Variants in HENMT1 observed in about 807,000 individuals in gnomAD.
HENMT1 encodes the protein HEN methyltransferase 1.
In HENMT1, 27 loss-of-function variants were observed where a neutral mutation model predicts 31.1. The observed-to-expected ratio is 0.87, with a 90% CI of 0.64 to 1.20. The LOEUF (loss-of-function observed/expected upper bound fraction) is 1.20. HENMT1 is among the 50% of genes most tolerant of loss of function. The probability of loss-of-function intolerance (pLI) is 0.00; values close to 1 mark genes in which losing one functional copy is unlikely to be tolerated. For missense variants in HENMT1, 438 were observed against 469.6 expected (o/e 0.93, Z 0.62); for synonymous variants, 167 against 172.2 (o/e 0.97, Z 0.24).
chr1:108,657,542 G>C lies in HENMT1; in HGVS notation c.59C>G (p.Pro20Arg), dbSNP rs985573606. 6 of 1,613,064 alleles carry C rather than the reference G, an allele frequency of 3.7e-6. No homozygotes were observed. The highest frequency in any genetic ancestry group is 5.1e-6 in the Non-Finnish European group (6 of 1,179,614). The change falls in exon 3 of 8, where the codon CCC becomes CGC. Residue 20 changes from proline to arginine, a missense_variant. Physicochemically the swap from Pro to Arg is moderately radical, Grantham distance 103. Transcript: ENST00000651461. Reference protein sequence around the residue: ...SVVDGNFEEVPRETAIQFKPP... With the variant: ...SVVDGNFEEVRRETAIQFKPP... ...TTTAAACTGAATTGCCGTCTCCCTG[G>C]GAACTTCTTCAAAATTACCGTCAAC...
Position 108,651,215 on chromosome 1 carries a change from A to G in HENMT1, c.399-6T>C. ...CTGAATCCAAATGTTCTATTCTAAAATGGTTAATGAGAAAGACATAATAAA... is the reference window on the plus strand; with the variant it reads ...CTGAATCCAAATGTTCTATTCTAAAGTGGTTAATGAGAAAGACATAATAAA... On this transcript the variant is annotated splice_polypyrimidine_tract_variant and splice_region_variant and intron_variant, in intron 5 of 7. Transcript: ENST00000651461. 1 of 1,603,944 alleles carries G rather than the reference A, an allele frequency of 6.2e-7. No homozygotes were observed. The highest frequency in any genetic ancestry group is 8.5e-7 in the Non-Finnish European group (1 of 1,174,988).
chr1:108,661,103 C>G (rs1458778588), upstream of HENMT1: 2 of 615,988 alleles, frequency 3.2e-6, no homozygotes, highest in South Asian at 1.4e-4. Flanking sequence ...CGCGCACGCA[C>G]GGCCTCGCTG....
intron 6 of HENMT1, among the ~76,000 whole-genome samples, chr1:108,650,599 T>C (rs1285758371): frequency 6.6e-6 from 1 of 152,148 alleles, no homozygotes; most frequent in Admixed American, 6.6e-5. Context: ...CCTAAGAATA[T>C]GGAAGACGAA....
chr1:108,655,790 A>C (rs1249905832), intron 3 of HENMT1, 92 bp from the exon 4 acceptor site: 1 of 636,906 alleles, frequency 1.6e-6, no homozygotes, highest in South Asian at 2.0e-5. Flanking sequence ...AGTGGAGTAT[A>C]TATCAGTAAT....
chr1:108,653,556 C>A (rs1050648021), intron 5 of HENMT1, among the ~76,000 whole-genome samples: 1 of 152,212 alleles, frequency 6.6e-6, no homozygotes, highest in Non-Finnish European at 1.5e-5. Flanking sequence ...TACATTCACA[C>A]CAGTTTATAT....
chr1:108,651,264 T>C (rs1259259700), intron 5 of HENMT1, 55 bp from the exon 6 acceptor site: 4 of 1,431,266 alleles, frequency 2.8e-6, no homozygotes, highest in Non-Finnish European at 3.9e-6. Context: ...TGCACCTATT[T>C]TTCTAATTGA....
chr1:108,661,146 C>A (rs1658463041), upstream of HENMT1: 1 of 287,608 alleles, frequency 3.5e-6, no homozygotes, highest in Non-Finnish European at 5.2e-6. Context: ...CGCCGGCGCC[C>A]GCACCCGCGC....
rs114052640 is a variant in HENMT1, at chr1:108,656,475, T to C, written c.151-777A>G. Among the ~76,000 whole-genome samples, 373 of 152,220 alleles carry C rather than the reference T, an allele frequency of 2.5e-3. 1 individual carries two copies. Among genetic ancestry groups the C allele is most frequent in the African/African-American group, 8.4e-3 (349 of 41,528 alleles). On this transcript the variant is annotated intron_variant, in intron 3 of 7. Transcript: ENST00000651461. ...TGACTTTACTCTGAAGTTAACCGAG[T>C]AGGTTCATTATGATCTAATTTTCTT...
intron 7 of HENMT1, chr1:108,649,264 T>C (rs1394010793): frequency 1.8e-6 from 1 of 565,620 alleles, no homozygotes; most frequent in Non-Finnish European, 3.3e-6. Flanking sequence ...TACTTGATAT[T>C]ACAGGGGCAA....
chr1:108,650,367 G>A lies in HENMT1; in HGVS notation c.600C>T (p.Arg200=). The A allele has an allele frequency of 1.2e-6, 2 of 1,613,428 alleles. No homozygotes were observed. Among genetic ancestry groups the A allele is most frequent in the Non-Finnish European group, 1.7e-6 (2 of 1,179,866 alleles). Residue 200 remains arginine, a synonymous_variant, in exon 7 of 8, where the codon CGC becomes CGT. Coordinates refer to ENST00000651461, the MANE Select transcript of HENMT1 (RefSeq NM_001102592.2). ...FQTWALYVAN[R]YDYSVEFTGV... ...CAGTAAACTCCACAGAGTAATCATA[G>A]CGATTTGCCACATATAAAGCCCTGA...
Position 108,661,065 on chromosome 1 carries a change from GTCC to G in HENMT1, c.-184_-182del. On this transcript the variant is annotated 5_prime_UTR_variant, in exon 1 of 8. Coordinates refer to ENST00000651461, the MANE Select transcript of HENMT1 (RefSeq NM_001102592.2). ...CAAAGCTCGTCGCGGAGCCGCCAGC[GTCC>G]TCAACTCAGCGCCGCCCTGACGCCC... 1 of 924,512 alleles carries G rather than the reference GTCC, an allele frequency of 1.1e-6. No individual in the cohort carries two copies. 57.3% of individuals were successfully genotyped at this position (924,512 alleles called of 1,614,324 possible).
rs749931596 is a variant in HENMT1 at position 108,659,934 on chromosome 1, T to G, written c.-50A>C. The G allele has an allele frequency of 5.1e-6, 8 of 1,573,240 alleles. No homozygotes were observed. The South Asian group carries it at 5.9e-5, about 12-fold the overall frequency. On this transcript the variant is annotated 5_prime_UTR_variant, in exon 2 of 8. Transcript: ENST00000651461. ...AAAAATGAAGATTTATCCTTCAAGCTCTATTTGAGAGAATCAGCACTGACT... is the reference window on the plus strand; with the variant it reads ...AAAAATGAAGATTTATCCTTCAAGCGCTATTTGAGAGAATCAGCACTGACT...
At chr1:108,654,545 T>C (rs1487087800) in intron 5 of HENMT1, among the ~76,000 whole-genome samples, 171 bp downstream of exon 5, 1 of 152,174 alleles carries the variant, frequency 6.6e-6, no homozygotes, top group Non-Finnish European at 1.5e-5. Context: ...ATCTGTATAC[T>C]TGAAATTTCT....
In HENMT1 at chr1:108,648,998, G is replaced by A. The variant is rs780324659; in HGVS notation, c.757-7C>T. ...GGTATGAGGTGGTAAAAACCTGAAG[G>A]GAAAAAACAAAACACTTACAAGTGT... On this transcript the variant is annotated splice_polypyrimidine_tract_variant and splice_region_variant and intron_variant, in intron 7 of 7. Transcript: ENST00000651461. 17 of 1,558,238 alleles carry A rather than the reference G, an allele frequency of 1.1e-5. No individual in the cohort carries two copies. In the Admixed American group the frequency reaches 3.5e-4, roughly 32 times the overall value.
chr1:108,648,673 C>CA lies in HENMT1; in HGVS notation c.1074dup (p.Glu359Ter). ...GCAATGACTGATCTCATCATCTCTT[C>CA]ATTAGCACATAAGCGGTTCAACTTG... is the stretch of plus-strand genomic sequence containing the variant. On this transcript the variant is annotated frameshift_variant, in exon 8 of 8. Transcript: ENST00000651461. LOFTEE classifies it low-confidence loss of function (END_TRUNC). 1 of 1,614,226 alleles carries CA rather than the reference C, an allele frequency of 6.2e-7. No individual in the cohort carries two copies. The highest frequency in any genetic ancestry group is 8.5e-7 in the Non-Finnish European group (1 of 1,180,038).
chr1:108,655,885 ACACACACT>A (rs1216817723), intron 3 of HENMT1, among the ~76,000 whole-genome samples, 187 bp from the exon 4 acceptor site: 1 of 148,544 alleles, frequency 6.7e-6, no homozygotes, highest in Non-Finnish European at 1.5e-5. Flanking sequence ...ACACACACAC[ACACACACT>A]AACCTGAAAC....
chr1:108,654,794 G>C lies in HENMT1; in HGVS notation c.320C>G (p.Thr107Ser). The C allele has an allele frequency of 1.2e-6, 2 of 1,614,030 alleles. No homozygotes were observed. The highest frequency in any genetic ancestry group is 8.5e-7 in the Non-Finnish European group (1 of 1,179,930). Residue 107 changes from threonine (T) to serine (S), a missense_variant, in exon 5 of 8, where the codon ACC becomes AGC. Coordinates refer to ENST00000651461, the MANE Select transcript of HENMT1 (RefSeq NM_001102592.2). ...DFLKPRDLNL[T>S]ITLYHGSVVE... ...AACGGAGCCATGATACAATGTGATGGTCAAATTCAGATCCCGAGGTTTCAG... is the reference window on the plus strand; with the variant it reads ...AACGGAGCCATGATACAATGTGATGCTCAAATTCAGATCCCGAGGTTTCAG...
At chr1:108,649,071 T>G (rs1657967750) in intron 7 of HENMT1, 80 bp from the exon 8 acceptor site, 1 of 1,183,378 alleles carries the variant, frequency 8.5e-7, no homozygotes, top group Admixed American at 2.8e-5. Flanking sequence ...AATAACTTTT[T>G]TGCCATGTAA....
chr1:108,651,646 AAGAT>A (rs1405534124), intron 5 of HENMT1, among the ~76,000 whole-genome samples: 4 of 152,004 alleles, frequency 2.6e-5, no homozygotes, highest in Non-Finnish European at 4.4e-5. Flanking sequence ...TCAGTCAAGA[AAGAT>A]AGAAGAAAAA....
Sources: allele counts gnomAD v4.1 joint callset (sites outside exome capture counted in the v4.1 genomes callset), GRCh38; gene constraint gnomAD v4.1.1; transcripts MANE v1.5; gene names NCBI Gene and HGNC (gene_info 2026-07-23, HGNC 2026-07-21).